SLC35D4: variants seen among roughly 807,000 people sequenced by gnomAD.
The protein encoded by SLC35D4 is solute carrier family 35 member D4.
the SLC35D4 span, among the ~76,000 whole-genome samples, chr18:23,359,844 T>A: frequency 6.6e-6 from 1 of 152,132 alleles, no homozygotes; most frequent in Non-Finnish European, 1.5e-5. Context: ...ATAGGAAGTA[T>A]AAACTCTTTA....
At chr18:23,355,424 C>T in the SLC35D4 span, among the ~76,000 whole-genome samples, 32 of 152,112 alleles carry the variant, frequency 2.1e-4, no homozygotes, top group African/African-American at 5.8e-4. Flanking sequence ...AGTCCGCAGC[C>T]GCCCGCCCAG....
the SLC35D4 span, among the ~76,000 whole-genome samples, chr18:23,393,626 T>G: frequency 1.3e-5 from 2 of 152,216 alleles, no homozygotes; most frequent in African/African-American, 4.8e-5. Flanking sequence ...ATTTTTATTT[T>G]TATTTTTTTG....
the SLC35D4 span, among the ~76,000 whole-genome samples, chr18:23,327,844 A>C: frequency 6.6e-6 from 1 of 152,206 alleles, no homozygotes; most frequent in African/African-American, 2.4e-5. Context: ...CACATCAAAA[A>C]GCTTATCCGC....
the SLC35D4 span, among the ~76,000 whole-genome samples, chr18:23,238,554 TA>T: frequency 3.9e-4 from 59 of 152,332 alleles, no homozygotes; most frequent in Non-Finnish European, 6.8e-4. Context: ...TCTGTTTATT[TA>T]AAAAACCAGG....
the SLC35D4 span, among the ~76,000 whole-genome samples, chr18:23,396,929 G>A: frequency 6.6e-6 from 1 of 151,862 alleles, no homozygotes; most frequent in Non-Finnish European, 1.5e-5. Flanking sequence ...TTCATGGACA[G>A]GTAACAAAGA....
At chr18:23,397,127 A>G in the SLC35D4 span, among the ~76,000 whole-genome samples, 1 of 152,164 alleles carries the variant, frequency 6.6e-6, no homozygotes, top group Non-Finnish European at 1.5e-5. Flanking sequence ...GCACTCCAAC[A>G]TTGAGGATCC....
At chr18:23,408,818 T>C in the SLC35D4 span, among the ~76,000 whole-genome samples, 47 of 47,664 alleles carry the variant, frequency 9.9e-4, no homozygotes, top group South Asian at 1.8e-3. Context: ...TTATCTCTCT[T>C]TTTTTTTTTT....
chr18:23,332,017 C>A, the SLC35D4 span, among the ~76,000 whole-genome samples: 1 of 150,560 alleles, frequency 6.6e-6, no homozygotes, highest in East Asian at 2.0e-4. Context: ...TCTCAAAGAG[C>A]TAGGAGCACA....
chr18:23,382,208 C>T, the SLC35D4 span, among the ~76,000 whole-genome samples: 3 of 147,994 alleles, frequency 2.0e-5, no homozygotes, highest in South Asian at 4.3e-4. Flanking sequence ...CCACTGCACT[C>T]CAGCCCAGGT....
At chr18:23,362,560 C>T in the SLC35D4 span, among the ~76,000 whole-genome samples, 3 of 152,280 alleles carry the variant, frequency 2.0e-5, no homozygotes, top group African/African-American at 7.2e-5. Context: ...GATTGCACCA[C>T]TGCACTCCAG....
the SLC35D4 span, among the ~76,000 whole-genome samples, chr18:23,275,160 A>C: frequency 1.3e-5 from 2 of 151,600 alleles, no homozygotes; most frequent in Non-Finnish European, 2.9e-5. Context: ...GTGTGTGTGC[A>C]GGGTGCAGGG....
chr18:23,246,599 G>T, the SLC35D4 span, among the ~76,000 whole-genome samples: 1 of 151,754 alleles, frequency 6.6e-6, no homozygotes, highest in Non-Finnish European at 1.5e-5. Flanking sequence ...CACCGTGTTA[G>T]CCAGGATGGT....
the SLC35D4 span, among the ~76,000 whole-genome samples, chr18:23,283,952 A>G: frequency 6.6e-6 from 1 of 152,222 alleles, no homozygotes; most frequent in Non-Finnish European, 1.5e-5. Flanking sequence ...TCTTTCAGGA[A>G]AGAGATGGGC....
At chr18:23,286,293 C>T in the SLC35D4 span, among the ~76,000 whole-genome samples, 7 of 152,180 alleles carry the variant, frequency 4.6e-5, no homozygotes, top group African/African-American at 1.2e-4. Context: ...CCTCCAGAAC[C>T]GCCTCCCCCA....
At chr18:23,250,388 G>A in the SLC35D4 span, among the ~76,000 whole-genome samples, 2 of 152,200 alleles carry the variant, frequency 1.3e-5, no homozygotes, top group African/African-American at 4.8e-5. Context: ...GATGACTTGG[G>A]AAACAGGAGG....
chr18:23,239,021 C>T, the SLC35D4 span, among the ~76,000 whole-genome samples: 1 of 152,306 alleles, frequency 6.6e-6, no homozygotes, highest in South Asian at 2.1e-4. Flanking sequence ...GTGATAATGC[C>T]GACCTCTCCT....
the SLC35D4 span, among the ~76,000 whole-genome samples, chr18:23,285,300 A>T: frequency 6.6e-6 from 1 of 151,472 alleles, no homozygotes; most frequent in South Asian, 2.1e-4. Flanking sequence ...ACTATAGGCA[A>T]CCTTCCACCT....
the SLC35D4 span, among the ~76,000 whole-genome samples, chr18:23,315,517 T>C: frequency 6.6e-6 from 1 of 152,216 alleles, no homozygotes. Context: ...GGGCTAGCAA[T>C]AGAGACTTGC....
chr18:23,314,406 AG>A, the SLC35D4 span, among the ~76,000 whole-genome samples: 1 of 152,166 alleles, frequency 6.6e-6, no homozygotes, highest in Non-Finnish European at 1.5e-5. Flanking sequence ...CCAGTATTCC[AG>A]GGCTGAGAGT....
Sources: gnomAD v4.1 joint callset for allele counts (sites outside exome capture counted in the v4.1 genomes callset) on GRCh38, gnomAD v4.1.1 for gene constraint, MANE v1.5 for transcripts, NCBI Gene and HGNC (gene_info 2026-07-23, HGNC 2026-07-21) for gene names.